The following ZNF638 variants were observed in gnomAD, a reference collection of about 807,000 sequenced individuals.
The protein encoded by ZNF638 is zinc finger protein 638.
ZNF638 carries 46 observed loss-of-function variants against 195.6 expected under a neutral mutation model. The observed-to-expected ratio is 0.24, with a 90% CI of 0.19 to 0.30. ZNF638 has a LOEUF of 0.30. Among genes scored for constraint, ZNF638 ranks in the 10% least tolerant of loss-of-function variants. The pLI is 1.00. For synonymous variants in ZNF638, 845 were observed against 772.0 expected (o/e 1.09, Z -1.57); for missense variants, 2,440 against 2,325.3 (o/e 1.05, Z -1.01).
chr2:71,348,108 T>G (rs913082797), intron 1 of ZNF638, among the ~76,000 whole-genome samples: 4 of 152,210 alleles, frequency 2.6e-5, no homozygotes, highest in Non-Finnish European at 4.4e-5. Flanking sequence ...GGGTTACTGG[T>G]TTTGTTATGT....
At chr2:71,331,945 C>T (rs565521567) in intron 1 of ZNF638, 70 bp downstream of exon 1, 5 of 984,658 alleles carry the variant, frequency 5.1e-6, no homozygotes, top group African/African-American at 3.5e-5. Context: ...GTCCTGAGCC[C>T]TTCCTGTGAG....
chr2:71,343,732 T>A (rs1019647442), intron 1 of ZNF638, among the ~76,000 whole-genome samples: 1 of 152,192 alleles, frequency 6.6e-6, no homozygotes, highest in South Asian at 2.1e-4. Context: ...GACAAGTAGA[T>A]GACAGACTCT....
intron 3 of ZNF638, among the ~76,000 whole-genome samples, chr2:71,358,018 A>G (rs1292959292): frequency 6.6e-6 from 1 of 152,162 alleles, no homozygotes; most frequent in Admixed American, 6.5e-5. Flanking sequence ...TTGGGCCACC[A>G]TTCCCTTCCG....
chr2:71,403,154 T>C (rs867635171), intron 16 of ZNF638, among the ~76,000 whole-genome samples: 5 of 152,056 alleles, frequency 3.3e-5, no homozygotes, highest in Admixed American at 6.5e-5. Flanking sequence ...TAACATAAAA[T>C]GAAAATTTAA....
intron 1 of ZNF638, among the ~76,000 whole-genome samples, chr2:71,344,721 G>A (rs1466008226): frequency 6.6e-6 from 1 of 152,146 alleles, no homozygotes; most frequent in Non-Finnish European, 1.5e-5. Flanking sequence ...AAAGTTAAGT[G>A]ACAAAGTAGA....
intron 25 of ZNF638, 177 bp from the exon 26 acceptor site, chr2:71,431,150 T>G (rs1054294003): frequency 1.8e-6 from 1 of 560,198 alleles, no homozygotes; most frequent in Non-Finnish European, 3.2e-6. Context: ...TTGAATGGAT[T>G]TACCCATTTA....
chr2:71,364,017 G>A lies in ZNF638; in HGVS notation c.1482G>A (p.Arg494=). 6.2e-7 allele frequency: 1 copy of A among 1,614,120 alleles called. No individual in the cohort carries two copies. Among genetic ancestry groups the A allele is most frequent in the Non-Finnish European group, 8.5e-7 (1 of 1,180,018 alleles). The change falls in exon 5 of 28, where the codon AGG becomes AGA. Residue 494 remains arginine (R), a synonymous_variant. Transcript: ENST00000264447. ...PRRRSHSPSP[R]RSRRSSSSHR... ...GACGTTCTCATTCCCCCAGTCCTAG[G>A]CGTTCTAGAAGATCAAGCTCAAGTC... is the stretch of plus-strand genomic sequence containing the variant.
chr2:71,359,186 G>C (rs2079069982), intron 3 of ZNF638, among the ~76,000 whole-genome samples: 1 of 152,158 alleles, frequency 6.6e-6, no homozygotes, highest in African/African-American at 2.4e-5. Context: ...TATGGAGGCG[G>C]AGAAGTCCCA....
intron 20 of ZNF638, among the ~76,000 whole-genome samples, chr2:71,409,753 G>T (rs1021590513): frequency 6.6e-6 from 1 of 152,142 alleles, no homozygotes; most frequent in East Asian, 1.9e-4. Context: ...TCTCCTTTCA[G>T]AGCTATTCTT....
At chr2:71,369,805 A>C in intron 7 of ZNF638, 78 bp from the exon 8 acceptor site, 1 of 1,400,894 alleles carries the variant, frequency 7.1e-7, no homozygotes, top group Non-Finnish European at 9.6e-7. Context: ...TTACAAAAGA[A>C]AGGATTAAGC....
At chr2:71,411,163 AT>A in intron 20 of ZNF638, among the ~76,000 whole-genome samples, 1 of 149,444 alleles carries the variant, frequency 6.7e-6, no homozygotes. Flanking sequence ...ATGCCCACTA[AT>A]TTTTTTTGTA....
chr2:71,390,060 A>G (rs540736023), intron 10 of ZNF638, among the ~76,000 whole-genome samples: 2 of 152,342 alleles, frequency 1.3e-5, no homozygotes, highest in Non-Finnish European at 2.9e-5. Flanking sequence ...GCAGTGCCCC[A>G]CTAGTAGAGA....
chr2:71,332,331 G>T (rs2078586431), intron 1 of ZNF638, among the ~76,000 whole-genome samples: 1 of 152,248 alleles, frequency 6.6e-6, no homozygotes, highest in South Asian at 2.1e-4. Flanking sequence ...GCCCGAAGAG[G>T]CGGTGGAGTT....
intron 1 of ZNF638, among the ~76,000 whole-genome samples, chr2:71,334,031 T>C (rs545528857): frequency 6.6e-6 from 1 of 152,366 alleles, no homozygotes; most frequent in South Asian, 2.1e-4. Context: ...CTAACTTTCA[T>C]TAAAATATTT....
At chr2:71,410,095 G>C (rs990896021) in intron 20 of ZNF638, among the ~76,000 whole-genome samples, 1 of 152,134 alleles carries the variant, frequency 6.6e-6, no homozygotes, top group Non-Finnish European at 1.5e-5. Flanking sequence ...GTATTATTGA[G>C]GAGAAGTCTG....
chr2:71,335,932 G>A (rs948829791), intron 1 of ZNF638, among the ~76,000 whole-genome samples: 9 of 152,134 alleles, frequency 5.9e-5, no homozygotes. Context: ...AATTGGTTAC[G>A]ATTGATAACT....
At chr2:71,392,528 A>G (rs936469923) in intron 10 of ZNF638, among the ~76,000 whole-genome samples, 9 of 152,096 alleles carry the variant, frequency 5.9e-5, no homozygotes, top group Admixed American at 1.3e-4. Flanking sequence ...CCCTGTGTAC[A>G]CCTTTTCTTG....
At chr2:71,407,086 A>G (rs191404801) in intron 19 of ZNF638, among the ~76,000 whole-genome samples, 1 of 152,332 alleles carries the variant, frequency 6.6e-6, no homozygotes, top group Admixed American at 6.5e-5. Flanking sequence ...TGCCTTCTGT[A>G]TTTAATATGT....
intron 16 of ZNF638, among the ~76,000 whole-genome samples, chr2:71,402,461 A>C (rs1300468912): frequency 6.6e-6 from 1 of 152,140 alleles, no homozygotes; most frequent in Admixed American, 6.5e-5. Context: ...ATATATGAGA[A>C]AGAACTTACA....
Sources: gnomAD v4.1 joint callset for allele counts (sites outside exome capture counted in the v4.1 genomes callset) on GRCh38, gnomAD v4.1.1 for gene constraint, MANE v1.5 for transcripts, NCBI Gene and HGNC (gene_info 2026-07-23, HGNC 2026-07-21) for gene names.